Variants in CFTR observed in about 807,000 individuals in gnomAD.
CFTR encodes the protein cystic fibrosis transmembrane conductance regulator.
CFTR carries 181 observed loss-of-function variants against 171.6 expected under a neutral mutation model. The observed-to-expected ratio is 1.05, with a 90% CI of 0.93 to 1.19. The LOEUF (loss-of-function observed/expected upper bound fraction) is 1.19, where lower values mean the gene tolerates loss of function less well. Ranked by LOEUF, CFTR falls within the 50% of genes most tolerant of loss-of-function variation. The pLI is 0.00. For missense variants in CFTR, 1,968 were observed against 1,734.7 expected (o/e 1.13, Z -2.39); for synonymous variants, 583 against 608.0 (o/e 0.96, Z 0.60).
At chr7:117,568,162 C>T (rs1201386262) in intron 11 of CFTR, among the ~76,000 whole-genome samples, 3 of 152,122 alleles carry the variant, frequency 2.0e-5, no homozygotes, top group Non-Finnish European at 4.4e-5. Context: ...GTAGGTATTA[C>T]AGTAAGGTTG....
rs2116678470 is a variant in CFTR, at chr7:117,536,540, A to C, written c.744-8A>C. 1.3e-6 allele frequency: 2 copies of C among 1,574,546 alleles called. No homozygotes were observed. The highest frequency in any genetic ancestry group is 8.6e-7 in the Non-Finnish European group (1 of 1,157,846). The stretch of plus-strand genomic sequence containing the variant: ...GATTGATTGATTGATTGATTGATTG[A>C]TTTACAGAGATCAGAGAGCTGGGAA... On this transcript the variant is annotated splice_polypyrimidine_tract_variant and splice_region_variant and intron_variant, in intron 6 of 26. Transcript: ENST00000003084.
chr7:117,630,861 G>T (rs1265731788), intron 22 of CFTR, among the ~76,000 whole-genome samples: 1 of 152,146 alleles, frequency 6.6e-6, no homozygotes, highest in Non-Finnish European at 1.5e-5. Flanking sequence ...GGGAAAGGGT[G>T]CTCCAGGCAA....
chr7:117,521,538 T>A (rs936271142), intron 3 of CFTR, among the ~76,000 whole-genome samples: 1 of 152,156 alleles, frequency 6.6e-6, no homozygotes, highest in Non-Finnish European at 1.5e-5. Flanking sequence ...CAGTTGTTAC[T>A]GAGATAATCA....
At chr7:117,634,004 CAT>C (rs1021134674) in intron 22 of CFTR, among the ~76,000 whole-genome samples, 1 of 152,038 alleles carries the variant, frequency 6.6e-6, no homozygotes, top group Non-Finnish European at 1.5e-5. Flanking sequence ...ATGCTGGCCT[CAT>C]AGCATGAGTT....
At chr7:117,545,689 C>G (rs1220345204) in intron 9 of CFTR, among the ~76,000 whole-genome samples, 1 of 152,142 alleles carries the variant, frequency 6.6e-6, no homozygotes, top group Non-Finnish European at 1.5e-5. Context: ...GAGGCTTAGA[C>G]AGTTTAAGTA....
intron 3 of CFTR, among the ~76,000 whole-genome samples, chr7:117,512,665 A>ATGGAAGAG (rs1259228827): frequency 6.7e-6 from 1 of 150,288 alleles, no homozygotes; most frequent in Non-Finnish European, 1.5e-5. Context: ...GACTCCTAGC[A>ATGGAAGAG]TGGAAGAGAA....
intron 1 of CFTR, among the ~76,000 whole-genome samples, chr7:117,490,445 G>A (rs1798142602): frequency 1.3e-5 from 2 of 151,772 alleles, no homozygotes; most frequent in African/African-American, 4.8e-5. Context: ...ACCCAGGAGA[G>A]TCAATGTTCC....
intron 22 of CFTR, among the ~76,000 whole-genome samples, chr7:117,637,613 A>G (rs891525512): frequency 6.6e-6 from 1 of 152,132 alleles, no homozygotes; most frequent in Non-Finnish European, 1.5e-5. Context: ...GCGGTGGCTC[A>G]CGCCTGTAAT....
In CFTR at chr7:117,668,449, C is replaced by G. The variant is rs1793420928; in HGVS notation, c.*1341C>G. ...AATCACCTTTTGGTCTGGAGGGAAG[C>G]CTTGGGGCTGATGCAGTTGTTGCCC... is the stretch of plus-strand genomic sequence containing the variant. On this transcript the variant is annotated 3_prime_UTR_variant, in exon 27 of 27. Coordinates refer to ENST00000003084, the MANE Select transcript of CFTR (RefSeq NM_000492.4). The G allele has an allele frequency of 6.6e-6, 1 of 152,422 alleles. No homozygotes were observed. Among genetic ancestry groups the G allele is most frequent in the East Asian group, 1.9e-4 (1 of 5,180 alleles). 9.4% of individuals were successfully genotyped at this position (152,422 alleles called of 1,614,324 possible). A position where few individuals can be genotyped will look rare whatever the true frequency, so the allele number is the denominator to read the frequency against.
chr7:117,588,333 A>C (rs1387034618), intron 12 of CFTR, among the ~76,000 whole-genome samples: 2 of 152,130 alleles, frequency 1.3e-5, no homozygotes, highest in East Asian at 1.9e-4. Context: ...ATGCATTAAC[A>C]TTGTTGGGGG....
chr7:117,498,786 C>T (rs973091452), intron 1 of CFTR, among the ~76,000 whole-genome samples: 2 of 151,758 alleles, frequency 1.3e-5, no homozygotes, highest in South Asian at 2.1e-4. Context: ...CCAATGAGTC[C>T]CCTCTTTCCT....
Position 117,509,121 on chromosome 7 carries a change from T to A in CFTR, c.252T>A (p.Tyr84Ter). 1 of 1,596,192 alleles carries A rather than the reference T, an allele frequency of 6.3e-7. No homozygotes were observed. ...RRCFFWRFMF[Y>*]GIFLYLGEVT... ...GTTTTTTCTGGAGATTTATGTTCTA[T>A]GGAATCTTTTTATATTTAGGGGTAA... The change falls in exon 3 of 27, where the codon TAT becomes TAA. Residue 84 changes from tyrosine (Y) to a stop codon, truncating the protein, a stop_gained. Transcript: ENST00000003084. LOFTEE classifies it high-confidence loss of function.
At chr7:117,559,146 C>G (rs1799411376) in intron 10 of CFTR, among the ~76,000 whole-genome samples, 1 of 152,178 alleles carries the variant, frequency 6.6e-6, no homozygotes, top group South Asian at 2.1e-4. Context: ...GAGCACTTGG[C>G]AACTGTTAGC....
intron 3 of CFTR, among the ~76,000 whole-genome samples, chr7:117,514,720 T>C (rs1798572435): frequency 6.6e-6 from 1 of 152,326 alleles, no homozygotes. Context: ...TCTAGATACT[T>C]GAGGAATCGC....
chr7:117,548,920 T>A lies in CFTR; in HGVS notation c.1392+97T>A, dbSNP rs539871793. On this transcript the variant is annotated intron_variant, in intron 10 of 26. Coordinates refer to ENST00000003084, the MANE Select transcript of CFTR (RefSeq NM_000492.4). ...TGCTGGAAGGTATTTTTGGAGAAAT[T>A]CTTACATGAGCATTAGGAGAATGTA... 17 of 1,510,096 alleles carry A rather than the reference T, an allele frequency of 1.1e-5. No individual in the cohort carries two copies. The East Asian group carries it at 4.2e-4, about 37-fold the overall frequency. 93.5% of individuals were successfully genotyped at this position (1,510,096 alleles called of 1,614,324 possible). A position where few individuals can be genotyped will look rare whatever the true frequency, so the allele number is the denominator to read the frequency against.
chr7:117,654,091 C>T (rs191273942), intron 24 of CFTR, among the ~76,000 whole-genome samples: 1 of 152,330 alleles, frequency 6.6e-6, no homozygotes, highest in East Asian at 1.9e-4. Context: ...GGTGGAGGCT[C>T]TATCCTCATG....
intron 11 of CFTR, among the ~76,000 whole-genome samples, chr7:117,577,891 G>C (rs1791794595): frequency 6.6e-6 from 1 of 152,068 alleles, no homozygotes; most frequent in Non-Finnish European, 1.5e-5. Context: ...ATAAGAAGTA[G>C]TAACCTAGTT....
At chr7:117,606,228 G>A (rs553808584) in intron 17 of CFTR, among the ~76,000 whole-genome samples, 2 of 152,052 alleles carry the variant, frequency 1.3e-5, no homozygotes, top group Admixed American at 6.5e-5. Flanking sequence ...CCAGGGTTTC[G>A]GTAGAGGTAT....
At chr7:117,606,452 A>G (rs928487290) in intron 17 of CFTR, among the ~76,000 whole-genome samples, 2 of 152,206 alleles carry the variant, frequency 1.3e-5, no homozygotes, top group African/African-American at 4.8e-5. Context: ...AAGAATCTGA[A>G]ACTTTTAAAA....
Sources: allele counts gnomAD v4.1 joint callset (sites outside exome capture counted in the v4.1 genomes callset), GRCh38; gene constraint gnomAD v4.1.1; transcripts MANE v1.5; gene names NCBI Gene and HGNC (gene_info 2026-07-23, HGNC 2026-07-21).